The following KCTD19 variants were observed in gnomAD, a reference collection of about 807,000 sequenced individuals.
The protein encoded by KCTD19 is BTB/POZ domain-containing protein KCTD19.
KCTD19 carries 67 observed loss-of-function variants against 103.5 expected under a neutral mutation model. The ratio of observed to expected loss-of-function variants is 0.65; its 90% CI spans 0.53 to 0.79. The LOEUF (loss-of-function observed/expected upper bound fraction) is 0.79, where lower values mean the gene tolerates loss of function less well. Among genes scored for constraint, KCTD19 ranks in the 30% least tolerant of loss-of-function variants. The pLI is 0.00. For missense variants in KCTD19, 980 were observed against 1,136.1 expected (o/e 0.86, Z 1.98); for synonymous variants, 439 against 452.2 (o/e 0.97, Z 0.37).
intron 2 of KCTD19, among the ~76,000 whole-genome samples, chr16:67,312,843 A>G (rs1228151776): frequency 6.6e-6 from 1 of 152,172 alleles, no homozygotes; most frequent in Non-Finnish European, 1.5e-5. Context: ...AACCACCATT[A>G]TCTTTCATCT....
chr16:67,324,100 GA>G (rs887576945), intron 1 of KCTD19, among the ~76,000 whole-genome samples: 6 of 151,798 alleles, frequency 4.0e-5, no homozygotes, highest in South Asian at 4.2e-4. Context: ...AGAGGTTGTT[GA>G]AAAAAAAGTT....
At chr16:67,325,570 G>A (rs1329961187) in intron 1 of KCTD19, among the ~76,000 whole-genome samples, 1 of 151,990 alleles carries the variant, frequency 6.6e-6, no homozygotes, top group Non-Finnish European at 1.5e-5. Context: ...AGGATAGGGT[G>A]TGACAAGAGG....
rs1389006417 is a variant in KCTD19 at position 67,320,374 on chromosome 16, A to G, written c.300+215T>C. On this transcript the variant is annotated intron_variant, in intron 2 of 15. Coordinates refer to ENST00000304372, the MANE Select transcript of KCTD19 (RefSeq NM_001100915.3). This position sits in a 1 kb window ranked among gnomAD's most constrained non-coding sequence, Gnocchi z 4.0. Reference sequence around the variant, plus strand: ...GCAGCAGACACCCTGTCTCGAAAAAACAAAAGCAGGTAATTTCAGTGTATT... The same window carrying G: ...GCAGCAGACACCCTGTCTCGAAAAAGCAAAAGCAGGTAATTTCAGTGTATT... 6.6e-6 allele frequency among the ~76,000 whole-genome samples: 1 copy of G among 152,122 alleles called. No individual in the cohort carries two copies. Among genetic ancestry groups the G allele is most frequent in the Non-Finnish European group, 1.5e-5 (1 of 68,010 alleles).
chr16:67,326,462 A>G (rs1357015846), intron 1 of KCTD19, among the ~76,000 whole-genome samples: 1 of 151,800 alleles, frequency 6.6e-6, no homozygotes, highest in Non-Finnish European at 1.5e-5. Flanking sequence ...AAAGGGGCAC[A>G]CGCCCAGCCC....
chr16:67,294,270 T>A, intron 11 of KCTD19, 99 bp from the exon 12 acceptor site: 1 of 1,280,476 alleles, frequency 7.8e-7, no homozygotes, highest in Non-Finnish European at 1.1e-6. Flanking sequence ...CTTCACTTGC[T>A]CTCCCTGAAC....
chr16:67,294,742 G>T, intron 10 of KCTD19, 48 bp from the exon 11 acceptor site: 1 of 1,335,570 alleles, frequency 7.5e-7, no homozygotes, highest in Non-Finnish European at 1.1e-6. Flanking sequence ...CTTCCATCAG[G>T]CCATTGGCCA....
chr16:67,310,457 C>G (rs1322934098), intron 2 of KCTD19, among the ~76,000 whole-genome samples: 1 of 152,182 alleles, frequency 6.6e-6, no homozygotes, highest in Non-Finnish European at 1.5e-5. Context: ...TTTCATCTGC[C>G]TGAATACAAC....
At position 67,295,067 on chromosome 16, in the gene KCTD19, CAAG is replaced by C; in HGVS notation, c.1392-14_1392-12del. ...AAGAGGGGCCATTCCCTGCAAACAACAAGGAGATATCCAGCTGGGCAGCTAGGA... is the reference window on the plus strand; with the variant it reads ...AAGAGGGGCCATTCCCTGCAAACAACGAGATATCCAGCTGGGCAGCTAGGA... On this transcript the variant is annotated splice_polypyrimidine_tract_variant and intron_variant, in intron 9 of 15. Transcript: ENST00000304372. The C allele has an allele frequency of 1.2e-6, 2 of 1,612,302 alleles. No individual in the cohort carries two copies. Among genetic ancestry groups the C allele is most frequent in the Admixed American group, 1.7e-5 (1 of 60,030 alleles).
chr16:67,303,271 T>C lies in KCTD19; in HGVS notation c.518A>G (p.His173Arg), dbSNP rs1389601768. The C allele has an allele frequency of 6.2e-7, 1 of 1,614,162 alleles. No homozygotes were observed. The highest frequency in any genetic ancestry group is 1.3e-5 in the African/African-American group (1 of 75,052). The change falls in exon 4 of 16, where the codon CAC becomes CGC. Residue 173 changes from histidine to arginine, a missense_variant. Transcript: ENST00000304372. This position sits in a 1 kb window ranked among gnomAD's most constrained non-coding sequence, Gnocchi z 4.3. ...CAGGTCTAGGGGCAGGAAGCAGTAGTGCACCTCCTCTTCTGTGTCTAACAG... is the reference window on the plus strand; with the variant it reads ...CAGGTCTAGGGGCAGGAAGCAGTAGCGCACCTCCTCTTCTGTGTCTAACAG... ...TPLLDTEEEVHYCFLPLDLVA... is the reference protein window; with the variant it reads ...TPLLDTEEEVRYCFLPLDLVA...
intron 2 of KCTD19, among the ~76,000 whole-genome samples, chr16:67,309,061 A>G (rs2036923186): frequency 6.6e-6 from 1 of 151,028 alleles, no homozygotes; most frequent in Non-Finnish European, 1.5e-5. Flanking sequence ...CCCAGGAGGC[A>G]GAGGTTTCAG....
intron 8 of KCTD19, chr16:67,295,805 C>T (rs1370086634): frequency 1.2e-5 from 4 of 338,788 alleles, no homozygotes; most frequent in Non-Finnish European, 2.3e-5. Flanking sequence ...AGTGCAGTGG[C>T]GCGATCTCAG....
chr16:67,326,660 G>A (rs1264602884), intron 1 of KCTD19, 45 bp downstream of exon 1: 4 of 1,570,126 alleles, frequency 2.5e-6, no homozygotes, highest in African/African-American at 1.4e-5. Context: ...GCCCCCATTC[G>A]CCGCTTTGGT....
chr16:67,299,295 G>C, intron 6 of KCTD19, 68 bp downstream of exon 6: 3 of 1,462,860 alleles, frequency 2.1e-6, no homozygotes, highest in Non-Finnish European at 2.9e-6. Context: ...AAAGGCCCCA[G>C]GTTATTCCTA....
chr16:67,320,387 A>G lies in KCTD19; in HGVS notation c.300+202T>C, dbSNP rs1448048289. Among the ~76,000 whole-genome samples the G allele has an allele frequency of 6.6e-6, 1 of 152,046 alleles. No homozygotes were observed. Among genetic ancestry groups the G allele is most frequent in the African/African-American group, 2.4e-5 (1 of 41,392 alleles). On this transcript the variant is annotated intron_variant, in intron 2 of 15. Transcript: ENST00000304372. This position sits in a 1 kb window ranked among gnomAD's most constrained non-coding sequence, Gnocchi z 4.0. Reference sequence around the variant, plus strand: ...TGTCTCGAAAAAACAAAAGCAGGTAATTTCAGTGTATTGTTTATTACTTTT... The same window carrying G: ...TGTCTCGAAAAAACAAAAGCAGGTAGTTTCAGTGTATTGTTTATTACTTTT...
At chr16:67,302,809 A>C (rs953080844) in intron 4 of KCTD19, 4 of 310,814 alleles carry the variant, frequency 1.3e-5, no homozygotes, top group Middle Eastern at 9.4e-4. Flanking sequence ...AGCTGGATAC[A>C]TAAGGGCAGA....
At chr16:67,316,580 GAAAAT>G (rs918868952) in intron 2 of KCTD19, among the ~76,000 whole-genome samples, 5 of 152,032 alleles carry the variant, frequency 3.3e-5, no homozygotes, top group African/African-American at 1.2e-4. Flanking sequence ...CAAAAAAAAA[GAAAAT>G]AATATAAACA....
At chr16:67,314,820 TATATATATATAGAGAGAG>T (rs1213137107) in intron 2 of KCTD19, among the ~76,000 whole-genome samples, 79 of 84,912 alleles carry the variant, frequency 9.3e-4, no homozygotes, top group Middle Eastern at 6.4e-3. Flanking sequence ...TATATATATA[TATATATATATAGAGAGAG>T]AGAGAGAGAG....
At chr16:67,304,827 CT>C (rs1332458415) in intron 2 of KCTD19, among the ~76,000 whole-genome samples, 2 of 152,042 alleles carry the variant, frequency 1.3e-5, no homozygotes, top group Non-Finnish European at 2.9e-5. Context: ...CCACGCCTGG[CT>C]AATTTTTTTT....
At chr16:67,296,065 G>A (rs1015488007) in intron 8 of KCTD19, 94 bp downstream of exon 8, 4 of 793,388 alleles carry the variant, frequency 5.0e-6, no homozygotes, top group Non-Finnish European at 6.8e-6. Context: ...TTCTAAGCAA[G>A]TGCTGGAAGC....
Sources: gnomAD v4.1 joint callset for allele counts (sites outside exome capture counted in the v4.1 genomes callset) on GRCh38, gnomAD v4.1.1 for gene constraint, Gnocchi (gnomAD v3.1) non-coding constraint, MANE v1.5 for transcripts, NCBI Gene and HGNC (gene_info 2026-07-23, HGNC 2026-07-21) for gene names.